SLC39A10: variants seen among roughly 807,000 people sequenced by gnomAD.
The protein encoded by SLC39A10 is solute carrier family 39 member 10.
SLC39A10 carries 13 observed loss-of-function variants against 65.1 expected under a neutral mutation model. The observed-to-expected ratio is 0.20, with a 90% CI of 0.13 to 0.32. SLC39A10 has a LOEUF of 0.32. Among genes scored for constraint, SLC39A10 ranks in the 10% least tolerant of loss-of-function variants. The pLI is 1.00. For synonymous variants in SLC39A10, 321 were observed against 342.2 expected, an observed-to-expected ratio of 0.94 and a Z score of 0.68; for missense variants, 831 against 1,018.4, an observed-to-expected ratio of 0.82 and a Z score of 2.50.
intron 4 of SLC39A10, 71 bp from the exon 5 acceptor site, chr2:195,708,582 AATT>A: frequency 7.0e-6 from 8 of 1,143,216 alleles, no homozygotes; most frequent in Admixed American, 2.9e-5. Context: ...AGGAGATTAT[AATT>A]ATTATAATTT....
upstream of SLC39A10, among the ~76,000 whole-genome samples, chr2:195,653,039 A>G (rs917372648): frequency 3.9e-5 from 6 of 152,174 alleles, no homozygotes; most frequent in African/African-American, 1.4e-4. Context: ...ATCTGTGGAA[A>G]AATTGTCTTC....
At position 195,625,222 on chromosome 2, in the gene SLC39A10, A is replaced by AAAG. The variant is rs1688443563; in HGVS notation, c.-12+18991_-12+18992insGAA. ...ACAGAGGGACACTCTGTCTCAAAAA[A>AAAG]AAAGAAAGAAAGAAAGAAAGAAAGA... is the stretch of plus-strand genomic sequence containing the variant. On this transcript the variant is annotated intron_variant, in intron 2 of 2. Transcript: ENST00000458054. Among the ~76,000 whole-genome samples, 28 of 112,174 alleles carry AAAG rather than the reference A, an allele frequency of 2.5e-4. 5 individuals are homozygous for AAAG. The highest frequency in any genetic ancestry group is 1.0e-3 in the Admixed American group (9 of 8,802). 73.6% of individuals were successfully genotyped at this position (112,174 alleles called of 152,430 possible). A position where few individuals can be genotyped will look rare whatever the true frequency, so the allele number is the denominator to read the frequency against.
chr2:195,701,028 C>G (rs1345106857), intron 3 of SLC39A10, among the ~76,000 whole-genome samples: 1 of 149,138 alleles, frequency 6.7e-6, no homozygotes, highest in African/African-American at 2.5e-5. Flanking sequence ...CCACCCCTCC[C>G]CTTCATCTTA....
At chr2:195,655,811 T>C (rs969071111), upstream of SLC39A10, among the ~76,000 whole-genome samples, 4 of 152,242 alleles carry the variant, frequency 2.6e-5, no homozygotes, top group Non-Finnish European at 5.9e-5. Flanking sequence ...GAACTACGTA[T>C]GGCAATCAGT....
chr2:195,633,675 G>T (rs2105699244), intron 2 of SLC39A10, among the ~76,000 whole-genome samples: 1 of 152,068 alleles, frequency 6.6e-6, no homozygotes, highest in East Asian at 2.0e-4. Context: ...GAGCTGGAAA[G>T]GGGATAGAGC....
intron 2 of SLC39A10, among the ~76,000 whole-genome samples, chr2:195,647,411 T>C (rs1030822265): frequency 6.6e-6 from 1 of 151,918 alleles, no homozygotes; most frequent in African/African-American, 2.4e-5. Flanking sequence ...TCCTGTCTCA[T>C]CTCTCCCAAC....
intron 1 of SLC39A10, 112 bp from the exon 2 acceptor site, chr2:195,679,920 A>T: frequency 1.3e-6 from 1 of 765,694 alleles, no homozygotes; most frequent in Non-Finnish European, 2.0e-6. Flanking sequence ...TTTATCATGA[A>T]GGAAATGGAG....
chr2:195,720,209 G>C (rs1173664889), intron 8 of SLC39A10, among the ~76,000 whole-genome samples: 1 of 152,244 alleles, frequency 6.6e-6, no homozygotes, highest in South Asian at 2.1e-4. Context: ...TTACAGGTGT[G>C]AGCCACTGCA....
intron 2 of SLC39A10, among the ~76,000 whole-genome samples, chr2:195,614,499 A>G (rs1688165283): frequency 6.6e-6 from 1 of 152,194 alleles, no homozygotes; most frequent in African/African-American, 2.4e-5. Flanking sequence ...CTCATCTGGT[A>G]GCGCTCCACA....
At chr2:195,657,642 G>A (rs1025160070) in intron 1 of SLC39A10, 23 of 984,966 alleles carry the variant, frequency 2.3e-5, no homozygotes, top group South Asian at 4.7e-5. Flanking sequence ...CGCCCGGGGT[G>A]GGGGAGTGAC....
intron 3 of SLC39A10, among the ~76,000 whole-genome samples, chr2:195,701,709 T>A (rs1284669400): frequency 2.6e-5 from 4 of 152,046 alleles, no homozygotes; most frequent in Non-Finnish European, 5.9e-5. Context: ...TGAGACAGGA[T>A]CTCACTTTGT....
At chr2:195,676,687 G>C (rs967552778) in intron 1 of SLC39A10, among the ~76,000 whole-genome samples, 3 of 152,032 alleles carry the variant, frequency 2.0e-5, no homozygotes, top group Non-Finnish European at 2.9e-5. Flanking sequence ...TGTTATTTTC[G>C]TTAGTATAAT....
At chr2:195,628,196 G>T (rs558180901) in intron 2 of SLC39A10, among the ~76,000 whole-genome samples, 1 of 152,220 alleles carries the variant, frequency 6.6e-6, no homozygotes, top group East Asian at 1.9e-4. Flanking sequence ...ACACTTGCAG[G>T]GTTGATGAAT....
intron 1 of SLC39A10, among the ~76,000 whole-genome samples, chr2:195,663,472 A>G (rs1464465011): frequency 6.6e-6 from 1 of 151,846 alleles, no homozygotes; most frequent in Non-Finnish European, 1.5e-5. Flanking sequence ...GTGTTACTAC[A>G]TTATAAAATG....
At chr2:195,632,723 A>G (rs1397042362) in intron 2 of SLC39A10, among the ~76,000 whole-genome samples, 2 of 151,740 alleles carry the variant, frequency 1.3e-5, no homozygotes, top group African/African-American at 4.8e-5. Context: ...TGGTCTCTTC[A>G]TCTGGTGATG....
chr2:195,650,065 A>G (rs1688998419), intron 2 of SLC39A10, among the ~76,000 whole-genome samples: 1 of 152,160 alleles, frequency 6.6e-6, no homozygotes, highest in Non-Finnish European at 1.5e-5. Flanking sequence ...TTCCGGTTTC[A>G]AGGCCCAGGG....
chr2:195,668,908 C>A (rs184954015), intron 1 of SLC39A10, among the ~76,000 whole-genome samples: 2,547 of 152,026 alleles, frequency 0.017, 68 homozygotes, highest in African/African-American at 0.058. Flanking sequence ...CATAGTGAAA[C>A]CCTGTCTCTA....
intron 9 of SLC39A10, among the ~76,000 whole-genome samples, chr2:195,733,794 C>A (rs550926043): frequency 6.6e-6 from 1 of 152,204 alleles, no homozygotes; most frequent in Admixed American, 6.5e-5. Context: ...CCTCTCAAAA[C>A]TGCTGGGATT....
chr2:195,708,975 T>C, intron 5 of SLC39A10, 131 bp downstream of exon 5: 1 of 645,154 alleles, frequency 1.6e-6, no homozygotes, highest in Non-Finnish European at 2.5e-6. Flanking sequence ...AGCTAATCTT[T>C]AGAGTAAAAA....
Sources: allele counts gnomAD v4.1 joint callset (sites outside exome capture counted in the v4.1 genomes callset), GRCh38; gene constraint gnomAD v4.1.1; transcripts MANE v1.5; gene names NCBI Gene and HGNC (gene_info 2026-07-23, HGNC 2026-07-21).